Variants in ERC2 observed in about 807,000 individuals in gnomAD.
ERC2 encodes ELKS/RAB6-interacting/CAST family member 2.
ERC2 carries 42 observed loss-of-function variants against 114.8 expected under a neutral mutation model. That is an observed-to-expected ratio of 0.37 (90% CI 0.29 to 0.47). The LOEUF (loss-of-function observed/expected upper bound fraction) is 0.47. ERC2 is among the 20% of genes least tolerant of loss of function. ERC2 has a pLI of 0.99. For missense variants in ERC2, 939 were observed against 1,150.7 expected, an observed-to-expected ratio of 0.82 and a Z score of 2.66; for synonymous variants, 454 against 425.5, an observed-to-expected ratio of 1.07 and a Z score of -0.82.
At chr3:56,017,876 C>G (rs2149588264) in intron 8 of ERC2, among the ~76,000 whole-genome samples, 1 of 152,294 alleles carries the variant, frequency 6.6e-6, no homozygotes, top group East Asian at 1.9e-4. Flanking sequence ...ATGGTGGGGG[C>G]TCACTCCACC....
At chr3:55,741,306 T>C (rs761097416) in intron 14 of ERC2, among the ~76,000 whole-genome samples, 1 of 152,094 alleles carries the variant, frequency 6.6e-6, no homozygotes, top group Non-Finnish European at 1.5e-5. Context: ...GCTTTTTTTT[T>C]TCTCGCGGCA....
chr3:56,018,839 T>C (rs1259216600), intron 8 of ERC2, 55 bp downstream of exon 8: 1 of 1,577,164 alleles, frequency 6.3e-7, no homozygotes, highest in African/African-American at 1.4e-5. Flanking sequence ...GGATCAACTT[T>C]CCCCAACTCT....
chr3:56,304,734 T>G (rs191891620), intron 2 of ERC2, among the ~76,000 whole-genome samples: 1 of 152,208 alleles, frequency 6.6e-6, no homozygotes. Flanking sequence ...CTATAAATAA[T>G]GTTAACAGAG....
chr3:56,245,957 G>A (rs1021465113), intron 3 of ERC2, among the ~76,000 whole-genome samples: 2 of 151,964 alleles, frequency 1.3e-5, no homozygotes, highest in Admixed American at 1.3e-4. Context: ...CCCAAATAAA[G>A]GGGATTTTTC....
chr3:56,205,274 C>T (rs1327523046), intron 3 of ERC2, among the ~76,000 whole-genome samples: 1 of 152,128 alleles, frequency 6.6e-6, no homozygotes, highest in African/African-American at 2.4e-5. Flanking sequence ...CCCTGTGTTC[C>T]ATAATCATGT....
At chr3:55,910,864 A>G (rs2064757021) in intron 13 of ERC2, among the ~76,000 whole-genome samples, 1 of 152,192 alleles carries the variant, frequency 6.6e-6, no homozygotes. Flanking sequence ...GCTTTGTAAC[A>G]TCTGTTGTAA....
At chr3:56,288,123 G>T (rs2054843000) in intron 3 of ERC2, among the ~76,000 whole-genome samples, 1 of 152,134 alleles carries the variant, frequency 6.6e-6, no homozygotes, top group Admixed American at 6.5e-5. Context: ...GACAGGTAGG[G>T]CCTTGGTATA....
intron 1 of ERC2, among the ~76,000 whole-genome samples, chr3:56,466,008 G>A (rs1267788606): frequency 3.3e-5 from 5 of 152,222 alleles, no homozygotes; most frequent in Non-Finnish European, 7.3e-5. Context: ...TCAGGTTCTT[G>A]CTTTCATACT....
intron 14 of ERC2, among the ~76,000 whole-genome samples, chr3:55,852,960 A>G (rs1440750593): frequency 1.3e-5 from 2 of 152,250 alleles, no homozygotes; most frequent in African/African-American, 4.8e-5. Context: ...AATGTTTAGT[A>G]GCATCGCTGG....
intron 15 of ERC2, among the ~76,000 whole-genome samples, chr3:55,724,682 A>G (rs920524391): frequency 3.9e-5 from 6 of 152,228 alleles, no homozygotes; most frequent in African/African-American, 1.4e-4. Context: ...TAAAATGTGA[A>G]TAGAAAAACA....
intron 13 of ERC2, among the ~76,000 whole-genome samples, chr3:55,909,541 T>G (rs1427987917): frequency 1.2e-5 from 1 of 86,296 alleles, no homozygotes; most frequent in East Asian, 3.0e-4. Context: ...GGGTTTGAAG[T>G]GCATTCCATT....
chr3:56,354,370 C>G (rs550482522), intron 2 of ERC2, among the ~76,000 whole-genome samples: 9 of 152,284 alleles, frequency 5.9e-5, no homozygotes, highest in Non-Finnish European at 8.8e-5. Context: ...CAGCAATTCT[C>G]AAACAGGGGC....
intron 2 of ERC2, among the ~76,000 whole-genome samples, chr3:56,415,651 T>C (rs370163438): frequency 6.6e-6 from 1 of 152,242 alleles, no homozygotes; most frequent in Non-Finnish European, 1.5e-5. Context: ...AGCATTTCTA[T>C]AGGGATGGTA....
At chr3:56,199,759 T>G (rs1370157701) in intron 3 of ERC2, among the ~76,000 whole-genome samples, 1 of 152,170 alleles carries the variant, frequency 6.6e-6, no homozygotes. Context: ...TCCTCCCATC[T>G]TGGCCTCCCA....
chr3:56,021,732 C>T (rs991126294), intron 7 of ERC2, among the ~76,000 whole-genome samples: 1 of 152,166 alleles, frequency 6.6e-6, no homozygotes, highest in African/African-American at 2.4e-5. Flanking sequence ...CCACCTTCCC[C>T]ACTCAAGTGG....
intron 12 of ERC2, chr3:55,955,041 G>A: frequency 2.4e-6 from 1 of 422,148 alleles, no homozygotes; most frequent in Non-Finnish European, 4.8e-6. Context: ...CAAAAAAGCA[G>A]GTAGCAGAAA....
intron 17 of ERC2, among the ~76,000 whole-genome samples, chr3:55,567,287 C>T (rs978508653): frequency 4.6e-5 from 7 of 152,098 alleles, no homozygotes; most frequent in Non-Finnish European, 8.8e-5. Flanking sequence ...GTAAGCACTC[C>T]AGGCAGAGCA....
At chr3:56,036,846 C>T (rs2074839515) in intron 7 of ERC2, among the ~76,000 whole-genome samples, 1 of 152,176 alleles carries the variant, frequency 6.6e-6, no homozygotes, top group African/African-American at 2.4e-5. Flanking sequence ...TCAGCAGCCA[C>T]TCCGGTTGAA....
intron 16 of ERC2, among the ~76,000 whole-genome samples, chr3:55,687,227 G>C (rs1031975733): frequency 3.9e-5 from 6 of 152,060 alleles, no homozygotes; most frequent in African/African-American, 9.7e-5. Context: ...TTGTTGTTGT[G>C]GGGGGGCATT....
Sources: gnomAD v4.1 joint callset for allele counts (sites outside exome capture counted in the v4.1 genomes callset) on GRCh38, gnomAD v4.1.1 for gene constraint, MANE v1.5 for transcripts, NCBI Gene and HGNC (gene_info 2026-07-23, HGNC 2026-07-21) for gene names.